Variants in HMGCLL1 observed in about 807,000 individuals in gnomAD.
HMGCLL1 encodes 3-hydroxy-3-methylglutaryl-CoA lyase like 1.
HMGCLL1 carries 36 observed loss-of-function variants against 39.1 expected under a neutral mutation model. That is an observed-to-expected ratio of 0.92 (90% confidence interval 0.71 to 1.22). The LOEUF (loss-of-function observed/expected upper bound fraction) is 1.22. HMGCLL1 is among the 50% of genes most tolerant of loss of function. HMGCLL1 has a pLI of 0.00. For missense variants in HMGCLL1, 451 were observed against 416.5 expected, an observed-to-expected ratio of 1.08 and a Z score of -0.72; for synonymous variants, 149 against 144.0, an observed-to-expected ratio of 1.03 and a Z score of -0.25.
the HMGCLL1 span, among the ~76,000 whole-genome samples, chr6:55,627,896 TA>T: frequency 5.9e-5 from 2 of 33,784 alleles, no homozygotes; most frequent in South Asian, 8.4e-4. Context: ...TATATATATA[TA>T]TAGTATATAT....
At chr6:55,447,563 G>A (rs12195448) in intron 7 of HMGCLL1, among the ~76,000 whole-genome samples, 19,092 of 151,846 alleles carry the variant, frequency 0.13, 1,395 homozygotes, top group Admixed American at 0.17. Flanking sequence ...GATAGAAATG[G>A]GAGTGTGTAC....
the HMGCLL1 span, among the ~76,000 whole-genome samples, chr6:55,626,146 A>G: frequency 3.9e-5 from 6 of 152,038 alleles, no homozygotes; most frequent in African/African-American, 1.4e-4. Flanking sequence ...CAGCTACCTG[A>G]TGGCGTGTTG....
At chr6:55,518,064 T>C (rs1055986264) in intron 3 of HMGCLL1, among the ~76,000 whole-genome samples, 5 of 152,182 alleles carry the variant, frequency 3.3e-5, no homozygotes, top group Non-Finnish European at 5.9e-5. Flanking sequence ...TCTCATTTCA[T>C]TCTAAATCTA....
chr6:55,434,821 C>T lies in HMGCLL1; in HGVS notation c.*841G>A, dbSNP rs1457981259. ...TAATATTCTTAGGATCACAATATTT[C>T]CTTGGGCAATTTGAAAGTGATCTGA... On this transcript the variant is annotated 3_prime_UTR_variant, in exon 9 of 9. Coordinates refer to ENST00000274901, the MANE Select transcript of HMGCLL1 (RefSeq NM_001042406.2). 6.6e-6 allele frequency: 1 copy of T among 151,994 alleles called. No individual in the cohort carries two copies. Among genetic ancestry groups the T allele is most frequent in the Non-Finnish European group, 1.5e-5 (1 of 67,982 alleles). The allele number at this position is 151,994 out of a possible 1,614,324, so 9.4% of individuals were successfully genotyped here.
the HMGCLL1 span, among the ~76,000 whole-genome samples, chr6:55,657,769 G>A: frequency 6.6e-6 from 1 of 151,896 alleles, no homozygotes; most frequent in Non-Finnish European, 1.5e-5. Context: ...AACATGGGTG[G>A]AGCTGGATAC....
Position 55,562,712 on chromosome 6 carries a change from G to C in HMGCLL1, c.108+16236C>G, listed in dbSNP as rs925357054. On this transcript the variant is annotated intron_variant, in intron 1 of 8. Transcript: ENST00000274901. Reference sequence around the variant, plus strand: ...CAGTCACAAGGACACTCAAAGACAAGAGTAGAACAGGCTAAGCGATCAACT... The same window carrying C: ...CAGTCACAAGGACACTCAAAGACAACAGTAGAACAGGCTAAGCGATCAACT... Among the ~76,000 whole-genome samples, 4 of 152,084 alleles carry C rather than the reference G, an allele frequency of 2.6e-5. No individual in the cohort carries two copies. The South Asian group carries it at 8.3e-4, about 31-fold the overall frequency.
At chr6:55,498,366 T>A (rs1766698515) in intron 6 of HMGCLL1, among the ~76,000 whole-genome samples, 1 of 152,032 alleles carries the variant, frequency 6.6e-6, no homozygotes, top group African/African-American at 2.4e-5. Flanking sequence ...TGTGCAAGGG[T>A]CTTGTGTAAA....
intron 7 of HMGCLL1, among the ~76,000 whole-genome samples, chr6:55,489,481 A>G (rs1377415888): frequency 1.3e-5 from 2 of 151,998 alleles, no homozygotes; most frequent in Non-Finnish European, 2.9e-5. Flanking sequence ...CCCCAAAAGA[A>G]GAAATATTAG....
chr6:55,630,581 T>A, the HMGCLL1 span, among the ~76,000 whole-genome samples: 83 of 152,078 alleles, frequency 5.5e-4, no homozygotes, highest in African/African-American at 1.8e-3. Flanking sequence ...AATGATATAA[T>A]TTGGCTCTGT....
chr6:55,661,576 T>A, the HMGCLL1 span, among the ~76,000 whole-genome samples: 2 of 152,050 alleles, frequency 1.3e-5, no homozygotes, highest in African/African-American at 4.8e-5. Flanking sequence ...TATGTGTATC[T>A]GTTTTTGTAT....
At chr6:55,676,411 A>C in the HMGCLL1 span, among the ~76,000 whole-genome samples, 2 of 152,170 alleles carry the variant, frequency 1.3e-5, no homozygotes, top group Admixed American at 6.6e-5. Flanking sequence ...CGTCTTCCAA[A>C]ATTTTAACAC....
rs1765260990 is a variant in HMGCLL1 at position 55,475,854 on chromosome 6, T to C, written c.795+19565A>G. Among the ~76,000 whole-genome samples the C allele has an allele frequency of 1.3e-5, 2 of 151,666 alleles. 1 individual carries two copies. The highest frequency in any genetic ancestry group is 4.1e-4 in the South Asian group (2 of 4,834). ...ACAATTTATTGAAAAGATCATGCTT[T>C]TCTCACTGAAGTGTAGTGATGCTTT... On this transcript the variant is annotated intron_variant, in intron 7 of 8. Coordinates refer to ENST00000274901, the MANE Select transcript of HMGCLL1 (RefSeq NM_001042406.2).
intron 1 of HMGCLL1, among the ~76,000 whole-genome samples, chr6:55,562,912 A>G (rs1038247076): frequency 1.3e-5 from 2 of 152,118 alleles, no homozygotes; most frequent in Non-Finnish European, 1.5e-5. Context: ...CTTCCCCTTA[A>G]GAGCTCTAAC....
At chr6:55,627,656 A>T in the HMGCLL1 span, among the ~76,000 whole-genome samples, 1 of 150,458 alleles carries the variant, frequency 6.6e-6, no homozygotes, top group East Asian at 2.0e-4. Flanking sequence ...GCACAATCTA[A>T]TCAGCCTCCA....
intron 3 of HMGCLL1, among the ~76,000 whole-genome samples, chr6:55,529,846 C>T (rs967735106): frequency 1.3e-5 from 2 of 152,008 alleles, no homozygotes; most frequent in Admixed American, 1.3e-4. Context: ...ACAGAGAACT[C>T]AATACAGTTT....
At chr6:55,485,758 G>A (rs995080721) in intron 7 of HMGCLL1, among the ~76,000 whole-genome samples, 13 of 151,744 alleles carry the variant, frequency 8.6e-5, no homozygotes, top group Admixed American at 8.5e-4. Flanking sequence ...AATGCAAATC[G>A]AGTTGGCATA....
At chr6:55,649,854 C>G in the HMGCLL1 span, among the ~76,000 whole-genome samples, 2 of 151,308 alleles carry the variant, frequency 1.3e-5, no homozygotes, top group African/African-American at 4.8e-5. Context: ...TTTGCTTGAA[C>G]AATTCTGCTC....
intron 3 of HMGCLL1, among the ~76,000 whole-genome samples, chr6:55,526,691 T>C (rs550429610): frequency 2.6e-5 from 4 of 152,182 alleles, no homozygotes; most frequent in African/African-American, 9.6e-5. Flanking sequence ...ATTTACTTTA[T>C]GCTGAGTTAC....
chr6:55,442,545 C>T (rs764704156), intron 7 of HMGCLL1, among the ~76,000 whole-genome samples: 2 of 152,058 alleles, frequency 1.3e-5, no homozygotes, highest in Non-Finnish European at 2.9e-5. Flanking sequence ...GAAAAGGATA[C>T]TTACAAAATC....
Sources: allele counts gnomAD v4.1 joint callset (sites outside exome capture counted in the v4.1 genomes callset), GRCh38; gene constraint gnomAD v4.1.1; transcripts MANE v1.5; gene names NCBI Gene and HGNC (gene_info 2026-07-23, HGNC 2026-07-21).